Variants in TSHZ3 observed in about 807,000 individuals in gnomAD.
The protein encoded by TSHZ3 is teashirt homolog 3.
Under a neutral mutation model 64.5 loss-of-function variants are expected in TSHZ3, and 10 were observed. The observed-to-expected ratio is 0.16, with a 90% CI of 0.10 to 0.26. The LOEUF is 0.26. Among genes scored for constraint, TSHZ3 ranks in the 10% least tolerant of loss-of-function variants. The probability of loss-of-function intolerance (pLI) is 1.00; values close to 1 mark genes in which losing one functional copy is unlikely to be tolerated. For synonymous variants in TSHZ3, 608 were observed against 593.1 expected, an observed-to-expected ratio of 1.03 and a Z score of -0.36; for missense variants, 1,242 against 1,421.7, an observed-to-expected ratio of 0.87 and a Z score of 2.03.
At chr19:31,269,635 G>T (rs1356708042) in intron 1 of TSHZ3, among the ~76,000 whole-genome samples, 1 of 152,114 alleles carries the variant, frequency 6.6e-6, no homozygotes, top group Non-Finnish European at 1.5e-5. Context: ...CTTGGCCTGG[G>T]AGATCTCTAA....
In TSHZ3 at chr19:31,332,254, G is replaced by A. The variant is rs985205861; in HGVS notation, c.40+16926C>T. 5.9e-5 allele frequency among the ~76,000 whole-genome samples: 9 copies of A among 152,078 alleles called. No individual in the cohort carries two copies. The South Asian group carries it at 6.2e-4, about 11-fold the overall frequency. The stretch of plus-strand genomic sequence containing the variant: ...GATATGTTTAGTAATTGATTACAGA[G>A]ACACAACCCAGAATGCGGCTCCCAC... On this transcript the variant is annotated intron_variant, in intron 1 of 1. Coordinates refer to ENST00000240587, the MANE Select transcript of TSHZ3 (RefSeq NM_020856.4).
In TSHZ3 at chr19:31,275,653, C is replaced by A. The variant is rs979900110; in HGVS notation, c.*894G>T. The A allele has an allele frequency of 1.3e-5, 2 of 152,424 alleles. No individual in the cohort carries two copies. Among genetic ancestry groups the A allele is most frequent in the African/African-American group, 4.8e-5 (2 of 41,368 alleles). 9.4% of individuals were successfully genotyped at this position (152,424 alleles called of 1,614,324 possible). A position where few individuals can be genotyped will look rare whatever the true frequency, so the allele number is the denominator to read the frequency against. ...TAAATATGTATAATTTAAACATGAACCTCTATCAATATAGATGTACTGTAT... is the reference window on the plus strand; with the variant it reads ...TAAATATGTATAATTTAAACATGAAACTCTATCAATATAGATGTACTGTAT... On this transcript the variant is annotated 3_prime_UTR_variant, in exon 2 of 2. Transcript: ENST00000240587.
At chr19:31,184,249 C>T (rs1204290920) in intron 5 of TSHZ3, among the ~76,000 whole-genome samples, 1 of 152,066 alleles carries the variant, frequency 6.6e-6, no homozygotes, top group Non-Finnish European at 1.5e-5. Flanking sequence ...TCTTTCTTGT[C>T]TTGTATAGTT....
chr19:31,308,007 A>C (rs943387154), intron 1 of TSHZ3, among the ~76,000 whole-genome samples: 2 of 152,248 alleles, frequency 1.3e-5, no homozygotes, highest in Non-Finnish European at 1.5e-5. Flanking sequence ...CAATTATGAT[A>C]ATGCAGTGTC....
chr19:31,289,891 A>G (rs1976534297), intron 1 of TSHZ3, among the ~76,000 whole-genome samples: 1 of 152,196 alleles, frequency 6.6e-6, no homozygotes, highest in Non-Finnish European at 1.5e-5. Context: ...GCTTATTCTC[A>G]ATACACCTGG....
At chr19:31,293,761 T>C (rs774844589) in intron 1 of TSHZ3, among the ~76,000 whole-genome samples, 10 of 152,152 alleles carry the variant, frequency 6.6e-5, no homozygotes, top group Non-Finnish European at 1.2e-4. Context: ...TCTCTTTCCA[T>C]ATACACTACA....
At chr19:31,203,282 C>T (rs1385225563) in intron 5 of TSHZ3, among the ~76,000 whole-genome samples, 3 of 151,942 alleles carry the variant, frequency 2.0e-5, no homozygotes, top group African/African-American at 7.3e-5. Flanking sequence ...ACAAGGAGGT[C>T]GGTGTGTCCA....
chr19:31,315,543 C>T (rs115524446), intron 1 of TSHZ3, among the ~76,000 whole-genome samples: 1,608 of 152,278 alleles, frequency 0.011, 28 homozygotes, highest in African/African-American at 0.037. Context: ...TGGGTGTGTG[C>T]GCCCTAGACT....
At chr19:31,251,870 C>T (rs745916459) in intron 1 of TSHZ3, among the ~76,000 whole-genome samples, 7 of 152,182 alleles carry the variant, frequency 4.6e-5, no homozygotes, top group Non-Finnish European at 7.3e-5. Flanking sequence ...CCCACTGCAG[C>T]GCTGATGCCG....
chr19:31,156,360 T>C (rs1044365124), exon 6 of TSHZ3, among the ~76,000 whole-genome samples: 2 of 152,188 alleles, frequency 1.3e-5, no homozygotes, highest in Non-Finnish European at 2.9e-5. Flanking sequence ...AAATACCTTG[T>C]CTTTTCCTAA....
At chr19:31,180,529 G>A (rs910617043) in intron 5 of TSHZ3, among the ~76,000 whole-genome samples, 4 of 152,210 alleles carry the variant, frequency 2.6e-5, no homozygotes, top group African/African-American at 9.6e-5. Context: ...TTTGTCCTGT[G>A]TCTCAATGCT....
intron 1 of TSHZ3, among the ~76,000 whole-genome samples, chr19:31,318,112 AAC>A (rs1432435988): frequency 6.6e-6 from 1 of 152,244 alleles, no homozygotes; most frequent in African/African-American, 2.4e-5. Context: ...AAGATCTATA[AAC>A]ACATATTTAT....
At chr19:31,151,971 CTT>C (rs1266466526) in intron 6 of TSHZ3, among the ~76,000 whole-genome samples, 2 of 152,094 alleles carry the variant, frequency 1.3e-5, no homozygotes, top group Non-Finnish European at 2.9e-5. Flanking sequence ...AACTCCATAA[CTT>C]ATTTCTTTGT....
Position 31,277,411 on chromosome 19 carries a change from T to C in TSHZ3, c.2382A>G (p.Lys794=), listed in dbSNP as rs1481250697. The C allele has an allele frequency of 1.2e-6, 2 of 1,613,922 alleles. No homozygotes were observed. Among genetic ancestry groups the C allele is most frequent in the Non-Finnish European group, 1.7e-6 (2 of 1,180,002 alleles). ...VNNDQPIDLT[K]GKSDKGCSLG... is the part of the protein sequence containing the mutation. ...AGGAGCAGCCTTTGTCACTCTTCCCTTTTGTCAAGTCTATGGGCTGGTCGT... is the reference window on the plus strand; with the variant it reads ...AGGAGCAGCCTTTGTCACTCTTCCCCTTTGTCAAGTCTATGGGCTGGTCGT... The change falls in exon 2 of 2, where the codon AAA becomes AAG. Residue 794 remains lysine (K), a synonymous_variant. Coordinates refer to ENST00000240587, the MANE Select transcript of TSHZ3 (RefSeq NM_020856.4). The surrounding 1 kb of genome is among the most constrained non-coding windows in gnomAD (Gnocchi z 4.5).
At position 31,279,548 on chromosome 19, in the gene TSHZ3, C is replaced by G; in HGVS notation, c.245G>C (p.Ser82Thr). Residue 82 changes from serine (S) to threonine (T), a missense_variant, in exon 2 of 2, where the codon AGT (serine) becomes ACT (threonine). Ser to Thr is a moderately conservative substitution (Grantham distance 58). This residue lies in a region of TSHZ3 where 555 missense variants were observed against 704.0 expected (regional missense o/e 0.79). Coordinates refer to ENST00000240587, the MANE Select transcript of TSHZ3 (RefSeq NM_020856.4). This position sits in a 1 kb window ranked among gnomAD's most constrained non-coding sequence, Gnocchi z 6.4. Reference sequence around the variant, plus strand: ...GCTTTCAAAGTCAGCCATTCGGTCACTGGTCTCACTGATGTGTGACTCGCT... The same window carrying G: ...GCTTTCAAAGTCAGCCATTCGGTCAGTGGTCTCACTGATGTGTGACTCGCT... ...MDSESHISET[S>T]DRMADFESGS... 1 of 1,609,882 alleles carries G rather than the reference C, an allele frequency of 6.2e-7. No individual in the cohort carries two copies. The highest frequency in any genetic ancestry group is 8.5e-7 in the Non-Finnish European group (1 of 1,176,880).
intron 5 of TSHZ3, among the ~76,000 whole-genome samples, chr19:31,183,978 A>G (rs768117548): frequency 6.6e-6 from 1 of 152,160 alleles, no homozygotes; most frequent in Non-Finnish European, 1.5e-5. Context: ...CCTTAACCCT[A>G]TTGATAATGA....
chr19:31,328,662 T>C (rs1279789090), intron 1 of TSHZ3, among the ~76,000 whole-genome samples: 1 of 152,150 alleles, frequency 6.6e-6, no homozygotes, highest in Non-Finnish European at 1.5e-5. Context: ...TCATATCCAA[T>C]AACAAATAAG....
intron 1 of TSHZ3, chr19:31,348,953 C>A: frequency 3.9e-6 from 2 of 511,526 alleles, no homozygotes; most frequent in Middle Eastern, 5.2e-4. Flanking sequence ...GCTCCGCGAG[C>A]GGCTCCCCAA....
At chr19:31,248,438 A>G (rs1037847426) in intron 1 of TSHZ3, among the ~76,000 whole-genome samples, 1 of 152,170 alleles carries the variant, frequency 6.6e-6, no homozygotes, top group African/African-American at 2.4e-5. Flanking sequence ...GCAAGCAACC[A>G]GGGTCTCCAG....
Sources: allele counts gnomAD v4.1 joint callset (sites outside exome capture counted in the v4.1 genomes callset), GRCh38; gene constraint gnomAD v4.1.1; regional missense constraint gnomAD v4.1.1; non-coding constraint Gnocchi (gnomAD v3.1); transcripts MANE v1.5; gene names NCBI Gene and HGNC (gene_info 2026-07-23, HGNC 2026-07-21).